CSMD1: variants seen among roughly 807,000 people sequenced by gnomAD.
The protein encoded by CSMD1 is CUB and Sushi multiple domains 1.
CSMD1 carries 213 observed loss-of-function variants against 417.5 expected under a neutral mutation model. The ratio of observed to expected loss-of-function variants is 0.51; its 90% CI spans 0.46 to 0.57. CSMD1 has a LOEUF of 0.57. CSMD1 is among the 20% of genes least tolerant of loss of function. CSMD1 has a pLI of 0.00. For synonymous variants in CSMD1, 2,862 were observed against 1,736.8 expected, an observed-to-expected ratio of 1.65 and a Z score of -16.11; for missense variants, 6,923 against 4,529.7, an observed-to-expected ratio of 1.53 and a Z score of -15.17.
chr8:4,037,407 T>C (rs1327586839), intron 3 of CSMD1, among the ~76,000 whole-genome samples: 7 of 152,340 alleles, frequency 4.6e-5, no homozygotes, highest in East Asian at 1.9e-4. Flanking sequence ...AGTGGCATTA[T>C]AGAGAATAAA....
intron 5 of CSMD1, among the ~76,000 whole-genome samples, chr8:3,925,773 C>G (rs770776104): frequency 2.0e-4 from 31 of 152,010 alleles, no homozygotes; most frequent in Non-Finnish European, 4.3e-4. Context: ...CCCATTGAAC[C>G]TCTTTTTATT....
chr8:3,499,263 G>C (rs1004699539), intron 10 of CSMD1, among the ~76,000 whole-genome samples: 2 of 152,204 alleles, frequency 1.3e-5, no homozygotes, highest in Non-Finnish European at 2.9e-5. Flanking sequence ...TGTAATCAAT[G>C]TCTGCATGTT....
rs545507432 is a variant in CSMD1, at chr8:4,474,999, G to C, written c.303-54934C>G. On this transcript the variant is annotated intron_variant, in intron 2 of 69. Coordinates refer to ENST00000635120, the MANE Select transcript of CSMD1 (RefSeq NM_033225.6). ...GGCTGTTAGTAATTACGTTTTGGGG[G>C]AGTTGAAAGTTTTATGTGGATTTTT... Among the ~76,000 whole-genome samples the C allele has an allele frequency of 5.9e-5, 9 of 152,252 alleles. No homozygotes were observed. The East Asian group carries it at 1.7e-3, about 29-fold the overall frequency.
intron 5 of CSMD1, among the ~76,000 whole-genome samples, chr8:3,984,957 T>A (rs973441026): frequency 6.6e-6 from 1 of 152,000 alleles, no homozygotes; most frequent in Non-Finnish European, 1.5e-5. Context: ...ACTTTAGAAT[T>A]TGGTGAAGAC....
chr8:2,975,809 G>A (rs1306906305), intron 55 of CSMD1, among the ~76,000 whole-genome samples: 2 of 152,250 alleles, frequency 1.3e-5, no homozygotes, highest in Non-Finnish European at 2.9e-5. Flanking sequence ...CCAAAGTGAC[G>A]ACAATTCCAA....
At chr8:4,902,206 T>C (rs1336705428) in intron 1 of CSMD1, among the ~76,000 whole-genome samples, 6 of 151,962 alleles carry the variant, frequency 3.9e-5, no homozygotes, top group Admixed American at 1.3e-4. Context: ...AGCCAAGAGT[T>C]TGAAACTCAC....
At chr8:4,449,705 T>C (rs558113796) in intron 2 of CSMD1, among the ~76,000 whole-genome samples, 1 of 151,390 alleles carries the variant, frequency 6.6e-6, no homozygotes, top group Admixed American at 6.6e-5. Context: ...AGAGAGGGAG[T>C]ATGGGGAAGA....
chr8:3,432,058 A>G (rs965898992), intron 12 of CSMD1, among the ~76,000 whole-genome samples: 3 of 152,200 alleles, frequency 2.0e-5, no homozygotes, highest in African/African-American at 7.2e-5. Context: ...TCTGAAAATT[A>G]TAACATAATA....
At chr8:4,223,211 C>A (rs1801144982) in intron 3 of CSMD1, among the ~76,000 whole-genome samples, 1 of 152,196 alleles carries the variant, frequency 6.6e-6, no homozygotes, top group Non-Finnish European at 1.5e-5. Context: ...CCGAGAAAAG[C>A]CACAAATGAA....
intron 2 of CSMD1, among the ~76,000 whole-genome samples, chr8:4,601,211 C>T (rs762959082): frequency 3.2e-4 from 49 of 152,096 alleles, no homozygotes; most frequent in African/African-American, 9.2e-4. Flanking sequence ...ACACTTTGGC[C>T]GCCCAAAGTG....
At chr8:3,350,720 A>T (rs1449381194) in intron 21 of CSMD1, among the ~76,000 whole-genome samples, 1 of 152,198 alleles carries the variant, frequency 6.6e-6, no homozygotes, top group African/African-American at 2.4e-5. Context: ...CTATATAATC[A>T]TTTCTCATAA....
chr8:4,745,475 T>C (rs1007809691), intron 1 of CSMD1, among the ~76,000 whole-genome samples: 1 of 152,194 alleles, frequency 6.6e-6, no homozygotes, highest in Non-Finnish European at 1.5e-5. Context: ...TTTAACACTG[T>C]GGTATCATAT....
chr8:4,380,061 A>G (rs1803003026), intron 3 of CSMD1, among the ~76,000 whole-genome samples: 1 of 152,226 alleles, frequency 6.6e-6, no homozygotes, highest in African/African-American at 2.4e-5. Context: ...ATCAATCCAT[A>G]TGAAGATAAA....
At chr8:3,592,561 G>C (rs971529222) in intron 8 of CSMD1, among the ~76,000 whole-genome samples, 3 of 152,076 alleles carry the variant, frequency 2.0e-5, no homozygotes, top group Non-Finnish European at 4.4e-5. Flanking sequence ...CTTTATCAAA[G>C]GTTTAGAAAT....
At chr8:3,452,807 G>C (rs535236352) in intron 12 of CSMD1, among the ~76,000 whole-genome samples, 1 of 152,100 alleles carries the variant, frequency 6.6e-6, no homozygotes, top group Non-Finnish European at 1.5e-5. Context: ...GCCAGGCTTT[G>C]GTATCAGGAT....
chr8:3,947,407 A>T (rs1019667990), intron 5 of CSMD1, among the ~76,000 whole-genome samples: 1 of 152,188 alleles, frequency 6.6e-6, no homozygotes, highest in Non-Finnish European at 1.5e-5. Flanking sequence ...TATCCTTTTT[A>T]TAAATCACTG....
intron 49 of CSMD1, among the ~76,000 whole-genome samples, chr8:3,068,900 C>T (rs993722545): frequency 6.6e-6 from 1 of 152,062 alleles, no homozygotes; most frequent in Non-Finnish European, 1.5e-5. Context: ...TATTTCTCCC[C>T]TGACCCCTCC....
intron 26 of CSMD1, among the ~76,000 whole-genome samples, chr8:3,258,696 G>A (rs144970041): frequency 3.3e-5 from 5 of 152,188 alleles, no homozygotes; most frequent in Non-Finnish European, 7.3e-5. Context: ...CAACCTAAAT[G>A]CCCATCAGTG....
chr8:4,759,284 G>A (rs1329909491), intron 1 of CSMD1, among the ~76,000 whole-genome samples: 1 of 152,156 alleles, frequency 6.6e-6, no homozygotes, highest in East Asian at 1.9e-4. Flanking sequence ...ACCAGGGAAG[G>A]AAGCTCTTTC....
Sources: gnomAD v4.1 joint callset for allele counts (sites outside exome capture counted in the v4.1 genomes callset) on GRCh38, gnomAD v4.1.1 for gene constraint, MANE v1.5 for transcripts, NCBI Gene and HGNC (gene_info 2026-07-23, HGNC 2026-07-21) for gene names.